Variants in SLC39A10 observed in about 807,000 individuals in gnomAD.
The protein encoded by SLC39A10 is solute carrier family 39 member 10, also known as zinc transporter ZIP10.
SLC39A10 carries 13 observed loss-of-function variants against 65.1 expected under a neutral mutation model. That is an observed-to-expected ratio of 0.20 (90% CI 0.13 to 0.32). SLC39A10 has a LOEUF of 0.32. Among genes scored for constraint, SLC39A10 ranks in the 10% least tolerant of loss-of-function variants. The probability of loss-of-function intolerance (pLI) is 1.00; values close to 1 mark genes in which losing one functional copy is unlikely to be tolerated. For missense variants in SLC39A10, 831 were observed against 1,018.4 expected (o/e 0.82, Z 2.50); for synonymous variants, 321 against 342.2 (o/e 0.94, Z 0.68).
intron 2 of SLC39A10, among the ~76,000 whole-genome samples, chr2:195,644,952 C>T (rs1317511683): frequency 6.7e-6 from 1 of 149,940 alleles, no homozygotes; most frequent in Admixed American, 6.8e-5. Flanking sequence ...TCTTGTTGCC[C>T]AGGCTGGAGT....
At chr2:195,727,721 T>C (rs1200456237) in intron 8 of SLC39A10, among the ~76,000 whole-genome samples, 1 of 152,158 alleles carries the variant, frequency 6.6e-6, no homozygotes, top group Non-Finnish European at 1.5e-5. Context: ...AGTTGTACAG[T>C]AGAATTGACT....
At chr2:195,715,358 T>C (rs541087507) in intron 6 of SLC39A10, among the ~76,000 whole-genome samples, 29 of 151,798 alleles carry the variant, frequency 1.9e-4, no homozygotes, top group African/African-American at 6.8e-4. Context: ...AAACCCCGTC[T>C]CTACTAAGAA....
chr2:195,682,897 T>C (rs1690382751), intron 2 of SLC39A10, among the ~76,000 whole-genome samples: 1 of 151,790 alleles, frequency 6.6e-6, no homozygotes, highest in African/African-American at 2.4e-5. Flanking sequence ...TCTGTGTTTA[T>C]AGGTTTTGAT....
chr2:195,647,693 T>TCCACCA (rs61694088), intron 2 of SLC39A10, among the ~76,000 whole-genome samples: 1 of 149,630 alleles, frequency 6.7e-6, no homozygotes, highest in African/African-American at 2.5e-5. Flanking sequence ...TTAATTACCA[T>TCCACCA]CCACCACCAC....
intron 1 of SLC39A10, among the ~76,000 whole-genome samples, chr2:195,667,171 ATGAATCTCAGTGGAAAGAT>A (rs1373730870): frequency 2.0e-5 from 3 of 152,234 alleles, no homozygotes; most frequent in African/African-American, 7.2e-5. Context: ...TTTTACATGA[ATGAATCTCAGTGGAAAGAT>A]TGGGTTGCCT....
chr2:195,626,633 G>A (rs1040187166), intron 2 of SLC39A10, among the ~76,000 whole-genome samples: 1 of 152,082 alleles, frequency 6.6e-6, no homozygotes, highest in African/African-American at 2.4e-5. Flanking sequence ...ATGTAGAAAT[G>A]AAAGTAGAAG....
chr2:195,713,582 C>T, intron 6 of SLC39A10, 29 bp downstream of exon 6: 2 of 1,536,964 alleles, frequency 1.3e-6, no homozygotes, highest in South Asian at 1.3e-5. Flanking sequence ...TCAAGACAAA[C>T]TTTTTTCTTT....
rs913636178 is a variant in SLC39A10, at chr2:195,734,816, A to G, written c.2338-67A>G. 3.4e-6 allele frequency: 5 copies of G among 1,455,034 alleles called. No individual in the cohort carries two copies. In the African/African-American group the frequency reaches 7.3e-5, roughly 21 times the overall value. The allele number at this position is 1,455,034 out of a possible 1,614,324, so 90.1% of individuals were successfully genotyped here. On this transcript the variant is annotated intron_variant, in intron 9 of 9. Coordinates refer to ENST00000359634, the MANE Select transcript of SLC39A10 (RefSeq NM_020342.3). ...GTCACTAATTTTCTTAAGTAGGAAA[A>G]TGTTTTTAAAAACTGTTTTGAGCAG...
intron 3 of SLC39A10, among the ~76,000 whole-genome samples, chr2:195,684,577 C>A (rs1690452138): frequency 6.6e-6 from 1 of 152,040 alleles, no homozygotes; most frequent in Non-Finnish European, 1.5e-5. Context: ...TAATTTCATT[C>A]TTTTGATAAA....
At chr2:195,724,854 T>G (rs574968884) in intron 8 of SLC39A10, among the ~76,000 whole-genome samples, 2 of 152,306 alleles carry the variant, frequency 1.3e-5, no homozygotes, top group South Asian at 4.1e-4. Context: ...AGTAGAATTT[T>G]GCAAAAGGGC....
intron 9 of SLC39A10, among the ~76,000 whole-genome samples, chr2:195,729,800 G>A (rs1234938190): frequency 1.3e-5 from 2 of 151,682 alleles, no homozygotes; most frequent in African/African-American, 2.4e-5. Flanking sequence ...GGTTGGTTTT[G>A]TTTTGGGTTA....
At chr2:195,657,309 A>C (rs1353922105) in intron 1 of SLC39A10, 28 bp downstream of exon 1, 3 of 866,754 alleles carry the variant, frequency 3.5e-6, no homozygotes, top group Non-Finnish European at 4.2e-6. Context: ...ATTTGTTTAC[A>C]TTCCCTCCCC....
Position 195,625,218 on chromosome 2 carries a change from A to G in SLC39A10, c.-12+18985A>G, listed in dbSNP as rs555657838. On this transcript the variant is annotated intron_variant, in intron 2 of 2. Coordinates refer to the SLC39A10 transcript ENST00000458054. Reference sequence around the variant, plus strand: ...TGCGACAGAGGGACACTCTGTCTCAAAAAAAAAGAAAGAAAGAAAGAAAGA... The same window carrying G: ...TGCGACAGAGGGACACTCTGTCTCAGAAAAAAAGAAAGAAAGAAAGAAAGA... 7.5e-4 allele frequency among the ~76,000 whole-genome samples: 82 copies of G among 109,582 alleles called. 3 individuals are homozygous for G. The East Asian group carries it at 0.025, about 33-fold the overall frequency. The allele number at this position is 109,582 out of a possible 152,430, so 71.9% of individuals were successfully genotyped here.
At chr2:195,673,468 T>C (rs1574252663) in intron 1 of SLC39A10, among the ~76,000 whole-genome samples, 1 of 152,326 alleles carries the variant, frequency 6.6e-6, no homozygotes, top group East Asian at 1.9e-4. Context: ...CAAAGTATCA[T>C]TTTAGAGAAA....
At chr2:195,664,807 C>T (rs1299720364) in intron 1 of SLC39A10, among the ~76,000 whole-genome samples, 1 of 152,000 alleles carries the variant, frequency 6.6e-6, no homozygotes, top group Non-Finnish European at 1.5e-5. Flanking sequence ...ATAGTTTTTC[C>T]CCTCATCTTG....
intron 2 of SLC39A10, among the ~76,000 whole-genome samples, chr2:195,635,290 T>C (rs1688675452): frequency 6.6e-6 from 1 of 152,230 alleles, no homozygotes; most frequent in Admixed American, 6.5e-5. Flanking sequence ...CTCTGGGTTA[T>C]GGCCAGACTT....
In SLC39A10 at chr2:195,728,640, G is replaced by A. The variant is rs1476538124; in HGVS notation, c.2337+291G>A. 2.0e-5 allele frequency among the ~76,000 whole-genome samples: 3 copies of A among 152,022 alleles called. No homozygotes were observed. The highest frequency in any genetic ancestry group is 7.3e-5 in the African/African-American group (3 of 41,378). On this transcript the variant is annotated intron_variant, in intron 9 of 9. Transcript: ENST00000359634. This position sits in a 1 kb window ranked among gnomAD's most constrained non-coding sequence, Gnocchi z 4.4. ...GACTTTGTAATATTGGTGTAGAAGTGTTTTATTTTTGTTAGCAAAATTAAT... is the reference window on the plus strand; with the variant it reads ...GACTTTGTAATATTGGTGTAGAAGTATTTTATTTTTGTTAGCAAAATTAAT...
upstream of SLC39A10, among the ~76,000 whole-genome samples, chr2:195,656,016 G>A (rs1012742366): frequency 6.6e-6 from 1 of 152,154 alleles, no homozygotes; most frequent in African/African-American, 2.4e-5. Flanking sequence ...AGTCTTGTGT[G>A]CCTCAGTTTC....
chr2:195,646,499 C>T (rs1179635945), intron 2 of SLC39A10, among the ~76,000 whole-genome samples: 2 of 152,172 alleles, frequency 1.3e-5, no homozygotes, highest in African/African-American at 4.8e-5. Context: ...TTCACTGAGC[C>T]AAAACCAGGG....
Sources: gnomAD v4.1 joint callset for allele counts (sites outside exome capture counted in the v4.1 genomes callset) on GRCh38, gnomAD v4.1.1 for gene constraint, Gnocchi (gnomAD v3.1) non-coding constraint, MANE v1.5 for transcripts, NCBI Gene and HGNC (gene_info 2026-07-23, HGNC 2026-07-21) for gene names.